ZNF808: variants seen among roughly 807,000 people sequenced by gnomAD.
ZNF808 encodes zinc finger protein 808.
A neutral mutation model predicts 8.7 loss-of-function variants in ZNF808; 5 were observed. That is an observed-to-expected ratio of 0.58 (90% CI 0.30 to 1.21). ZNF808 has a LOEUF of 1.21. Ranked by LOEUF, ZNF808 falls within the 50% of genes most tolerant of loss-of-function variation. The pLI is 0.07. For synonymous variants in ZNF808, 380 were observed against 366.0 expected (o/e 1.04, Z -0.44); for missense variants, 1,103 against 1,098.4 (o/e 1.00, Z -0.06).
At chr19:52,534,965 T>C (rs1418278415) in intron 2 of ZNF808, among the ~76,000 whole-genome samples, 1 of 151,670 alleles carries the variant, frequency 6.6e-6, no homozygotes, top group African/African-American at 2.4e-5. Context: ...GACAACTAAC[T>C]GGATATTTAC....
intron 4 of ZNF808, among the ~76,000 whole-genome samples, chr19:52,550,821 A>C (rs1427515752): frequency 6.6e-6 from 1 of 152,202 alleles, no homozygotes; most frequent in Non-Finnish European, 1.5e-5. Flanking sequence ...TAAGTTTTAT[A>C]GTACATTCTC....
chr19:52,568,407 C>G (rs1191175977), downstream of ZNF808, among the ~76,000 whole-genome samples: 1 of 151,810 alleles, frequency 6.6e-6, no homozygotes, highest in Non-Finnish European at 1.5e-5. Context: ...ATGTGCTATA[C>G]AATTTAGTTT....
chr19:52,555,493 A>G lies in ZNF808; in HGVS notation c.2577A>G (p.Lys859=). Residue 859 remains lysine (K), a synonymous_variant, in exon 5 of 5, where the codon AAA becomes AAG. Coordinates refer to ENST00000359798, the MANE Select transcript of ZNF808 (RefSeq NM_001039886.4). ...CEACDKVFSR[K]SHLKRHRIIH... Reference sequence around the variant, plus strand: ...CATGTGACAAAGTTTTCAGTCGCAAATCACACCTTAAAAGACATAGGATAA... The same window carrying G: ...CATGTGACAAAGTTTTCAGTCGCAAGTCACACCTTAAAAGACATAGGATAA... The G allele has an allele frequency of 6.2e-7, 1 of 1,613,978 alleles. No individual in the cohort carries two copies. The highest frequency in any genetic ancestry group is 8.5e-7 in the Non-Finnish European group (1 of 1,179,982).
downstream of ZNF808, among the ~76,000 whole-genome samples, chr19:52,568,530 T>A (rs1197604042): frequency 1.3e-5 from 2 of 152,188 alleles, no homozygotes; most frequent in African/African-American, 2.4e-5. Flanking sequence ...AATGTAACCT[T>A]CCTTGAAGTG....
downstream of ZNF808, among the ~76,000 whole-genome samples, chr19:52,558,641 A>G (rs926024386): frequency 1.3e-5 from 2 of 152,162 alleles, no homozygotes; most frequent in Non-Finnish European, 2.9e-5. Flanking sequence ...AAGTGCTGGG[A>G]TTACAGGCAT....
rs2059734721 is a variant in ZNF808, at chr19:52,547,586, G to A, written c.138G>A (p.Arg46=). The change falls in exon 4 of 5, where the codon AGG becomes AGA. Residue 46 remains arginine (R), a synonymous_variant. Transcript: ENST00000359798. ...GGAAATTCCTGAACCCTGCACAGAG[G>A]GCTTTGTACAGGGAAGTGATGTTGG... ...AEWKFLNPAQ[R]ALYREVMLEN... 4.3e-6 allele frequency: 7 copies of A among 1,613,938 alleles called. No homozygotes were observed. Among genetic ancestry groups the A allele is most frequent in the Non-Finnish European group, 5.9e-6 (7 of 1,180,012 alleles).
rs2059689901 is a variant in ZNF808 at position 52,543,265 on chromosome 19, G to A, written c.-19-1G>A. ...GAAGTCTTATTTTTTTTCACATACA[G>A]GATTGATTTCTAAAGACTCATGTTA... On this transcript the variant is annotated splice_acceptor_variant, in intron 2 of 4. Coordinates refer to ENST00000359798, the MANE Select transcript of ZNF808 (RefSeq NM_001039886.4). LOFTEE classifies it low-confidence loss of function (5UTR_SPLICE). 6.2e-7 allele frequency: 1 copy of A among 1,612,322 alleles called. No individual in the cohort carries two copies. The highest frequency in any genetic ancestry group is 1.7e-5 in the Admixed American group (1 of 59,676).
At position 52,554,052 on chromosome 19, in the gene ZNF808, C is replaced by T. The variant is rs2059806463; in HGVS notation, c.1136C>T (p.Ala379Val). The change falls in exon 5 of 5, where the codon GCT becomes GTT. Residue 379 changes from alanine (A) to valine (V), a missense_variant. Coordinates refer to ENST00000359798, the MANE Select transcript of ZNF808 (RefSeq NM_001039886.4). ...KPYKCKICEK[A>V]FACHSYLANH... ...TACAAATGTAAGATTTGTGAGAAGG[C>T]TTTTGCGTGTCATTCCTATCTGGCA... 3 of 1,614,042 alleles carry T rather than the reference C, an allele frequency of 1.9e-6. No homozygotes were observed. In the East Asian group the frequency reaches 6.7e-5, roughly 36 times the overall value.
In ZNF808 at chr19:52,554,567, A is replaced by T. The variant is rs1322466854; in HGVS notation, c.1651A>T (p.Asn551Tyr). The T allele has an allele frequency of 6.2e-7, 1 of 1,613,828 alleles. No homozygotes were observed. Among genetic ancestry groups the T allele is most frequent in the Non-Finnish European group, 8.5e-7 (1 of 1,179,856 alleles). ...GGTTTGTAACAAGGTTTTCATGCGT[A>T]ATTCAGTCCTGGCTGTACATACTAG... is the stretch of plus-strand genomic sequence containing the variant. ...CTVCNKVFMR[N>Y]SVLAVHTRIH... The change falls in exon 5 of 5, where the codon AAT becomes TAT. Residue 551 changes from asparagine (N) to tyrosine (Y), a missense_variant. Asn to Tyr is a moderately radical substitution (Grantham distance 143, BLOSUM62 -2). Coordinates refer to ENST00000359798, the MANE Select transcript of ZNF808 (RefSeq NM_001039886.4).
In ZNF808 at chr19:52,555,297, C is replaced by T. The variant is rs374509097; in HGVS notation, c.2381C>T (p.Thr794Met). 92 of 1,610,948 alleles carry T rather than the reference C, an allele frequency of 5.7e-5. No individual in the cohort carries two copies. Among genetic ancestry groups the T allele is most frequent in the African/African-American group, 6.8e-5 (5 of 73,998 alleles). Residue 794 changes from threonine to methionine, a missense_variant, in exon 5 of 5, where the codon ACG (threonine) becomes ATG (methionine). By Grantham distance (81) the Thr-to-Met change is moderately conservative. Transcript: ENST00000359798. ...LHTGEKSYKC[T>M]VCDKAFVRNS... is the part of the protein sequence containing the mutation. ...ACTGGAGAGAAATCTTACAAATGTA[C>T]GGTTTGTGACAAGGCTTTCGTGCGT...
At chr19:52,545,003 C>G (rs997051269) in intron 3 of ZNF808, among the ~76,000 whole-genome samples, 7 of 152,098 alleles carry the variant, frequency 4.6e-5, no homozygotes, top group South Asian at 2.1e-4. Flanking sequence ...TCAGGCTGGT[C>G]GAACTACTGA....
chr19:52,566,151 A>G (rs1204253788), downstream of ZNF808, among the ~76,000 whole-genome samples: 1 of 151,974 alleles, frequency 6.6e-6, no homozygotes, highest in Non-Finnish European at 1.5e-5. Flanking sequence ...GATTTTATAT[A>G]TATATATATA....
At position 52,553,291 on chromosome 19, in the gene ZNF808, T is replaced by G. The variant is rs555685502; in HGVS notation, c.375T>G (p.His125Gln). ...GTCAAGAAGATGAAAGAAATGGCCA[T>G]GAAGCACCCACGACAAAAATAAAAA... ...FQCQEDERNG[H>Q]EAPTTKIKKL... The change falls in exon 5 of 5, where the codon CAT becomes CAG. Residue 125 changes from histidine (H) to glutamine (Q), a missense_variant. By Grantham distance (24) the His-to-Gln change is conservative (BLOSUM62 0). Coordinates refer to ENST00000359798, the MANE Select transcript of ZNF808 (RefSeq NM_001039886.4). The G allele has an allele frequency of 6.2e-7, 1 of 1,613,700 alleles. No homozygotes were observed. Among genetic ancestry groups the G allele is most frequent in the Non-Finnish European group, 8.5e-7 (1 of 1,179,888 alleles).
chr19:52,527,866 T>G (rs1027218581), intron 1 of ZNF808, 155 bp downstream of exon 1: 1 of 152,568 alleles, frequency 6.6e-6, no homozygotes, highest in Non-Finnish European at 1.5e-5. Context: ...CGGGTGTCGC[T>G]TCCTTTCGGG....
chr19:52,541,995 T>A (rs653483), intron 2 of ZNF808, among the ~76,000 whole-genome samples: 60,397 of 152,074 alleles, frequency 0.4, 14,581 homozygotes, highest in African/African-American at 0.67. Flanking sequence ...ATGTATTTTA[T>A]ATTTGTGAAA....
intron 1 of ZNF808, among the ~76,000 whole-genome samples, chr19:52,531,878 T>A (rs970132095): frequency 1.5e-4 from 23 of 152,222 alleles, no homozygotes; most frequent in Admixed American, 9.8e-4. Context: ...AGTCAGTTCT[T>A]ATTCCTTTTA....
chr19:52,543,853 T>C lies in ZNF808; in HGVS notation c.63+506T>C, dbSNP rs866496495. ...ATGTCTCTGTGTCCAAATTTTTTTT[T>C]TTTTTTTAAGAGACAAGATGTTGGT... On this transcript the variant is annotated intron_variant, in intron 3 of 4. Transcript: ENST00000359798. 5.9e-3 allele frequency among the ~76,000 whole-genome samples: 899 copies of C among 152,198 alleles called. 11 individuals are homozygous for C. Among genetic ancestry groups the C allele is most frequent in the African/African-American group, 0.021 (861 of 41,532 alleles).
chr19:52,561,682 G>A (rs1455312950), intron 3 of ZNF808, among the ~76,000 whole-genome samples: 20 of 151,892 alleles, frequency 1.3e-4, no homozygotes, highest in Admixed American at 1.3e-3. Context: ...CAAGTAGCTG[G>A]GATTACAGGC....
chr19:52,547,467 C>T (rs757915395), intron 3 of ZNF808, 45 bp from the exon 4 acceptor site: 2 of 1,612,410 alleles, frequency 1.2e-6, no homozygotes, highest in Non-Finnish European at 1.7e-6. Flanking sequence ...AAGGTGATAA[C>T]TCAATCCTCC....
Sources: allele counts gnomAD v4.1 joint callset (sites outside exome capture counted in the v4.1 genomes callset), GRCh38; gene constraint gnomAD v4.1.1; transcripts MANE v1.5; gene names NCBI Gene and HGNC (gene_info 2026-07-23, HGNC 2026-07-21).